Variants in HNF1B observed in about 807,000 individuals in gnomAD.
The protein encoded by HNF1B is HNF1 homeobox B.
Under a neutral mutation model 61.7 loss-of-function variants are expected in HNF1B, and 8 were observed. That is an observed-to-expected ratio of 0.13 (90% CI 0.08 to 0.23). The LOEUF (loss-of-function observed/expected upper bound fraction) is 0.23, where lower values mean the gene tolerates loss of function less well. Among genes scored for constraint, HNF1B ranks in the 10% least tolerant of loss-of-function variants. The probability of loss-of-function intolerance (pLI) is 1.00; values close to 1 mark genes in which losing one functional copy is unlikely to be tolerated. For synonymous variants in HNF1B, 314 were observed against 287.7 expected, an observed-to-expected ratio of 1.09 and a Z score of -0.93; for missense variants, 562 against 714.5, an observed-to-expected ratio of 0.79 and a Z score of 2.43.
At chr17:37,693,386 G>A (rs189806646) in intron 8 of HNF1B, among the ~76,000 whole-genome samples, 2 of 152,202 alleles carry the variant, frequency 1.3e-5, no homozygotes, top group East Asian at 3.9e-4. Flanking sequence ...AAGAAACTGA[G>A]TCTCCCAACA....
intron 4 of HNF1B, among the ~76,000 whole-genome samples, chr17:37,711,518 C>G (rs929709917): frequency 8.5e-5 from 13 of 152,274 alleles, no homozygotes; most frequent in African/African-American, 3.1e-4. Context: ...GGTCTGCTCT[C>G]AGGAAAGAAA....
In HNF1B at chr17:37,687,049, G is replaced by A. The variant is rs1036045826; in HGVS notation, c.*323C>T. 38 of 566,726 alleles carry A rather than the reference G, an allele frequency of 6.7e-5. No individual in the cohort carries two copies. Among genetic ancestry groups the A allele is most frequent in the Admixed American group, 1.8e-4 (6 of 32,900 alleles). The allele number at this position is 566,726 out of a possible 1,614,324, so 35.1% of individuals were successfully genotyped here. ...TTCAAGTTTTCGCATCAGTTTGTTC[G>A]ATGAAGGATCACAACATAGACAGTA... On this transcript the variant is annotated 3_prime_UTR_variant, in exon 9 of 9. Coordinates refer to ENST00000617811, the MANE Select transcript of HNF1B (RefSeq NM_000458.4).
At chr17:37,711,459 T>C (rs149571311) in intron 4 of HNF1B, among the ~76,000 whole-genome samples, 1 of 152,332 alleles carries the variant, frequency 6.6e-6, no homozygotes, top group Non-Finnish European at 1.5e-5. Context: ...CAAACATGTT[T>C]ACAACCTCGC....
intron 4 of HNF1B, among the ~76,000 whole-genome samples, chr17:37,720,064 G>A (rs966175324): frequency 1.3e-5 from 2 of 152,184 alleles, no homozygotes; most frequent in Admixed American, 6.5e-5. Context: ...AACACCAGGT[G>A]TTGGGCACTG....
intron 8 of HNF1B, among the ~76,000 whole-genome samples, chr17:37,691,691 G>A (rs2032210491): frequency 6.6e-6 from 1 of 152,186 alleles, no homozygotes. Flanking sequence ...TGAGCAAACA[G>A]AGGCTCAAAG....
chr17:37,717,247 AC>A (rs1413387512), intron 4 of HNF1B, among the ~76,000 whole-genome samples: 1 of 151,470 alleles, frequency 6.6e-6, no homozygotes, highest in African/African-American at 2.4e-5. Flanking sequence ...TTCAGAGCCA[AC>A]CTCCCATCCC....
chr17:37,717,287 G>A (rs2033155455), intron 4 of HNF1B, among the ~76,000 whole-genome samples: 1 of 152,138 alleles, frequency 6.6e-6, no homozygotes, highest in African/African-American at 2.4e-5. Flanking sequence ...CCTCTGGCTG[G>A]TGGACCTCTG....
At chr17:37,738,361 T>C (rs553052068) in intron 2 of HNF1B, among the ~76,000 whole-genome samples, 5 of 152,114 alleles carry the variant, frequency 3.3e-5, no homozygotes, top group Non-Finnish European at 7.3e-5. Flanking sequence ...CCAGGGACAT[T>C]GAGACAATAA....
intron 8 of HNF1B, among the ~76,000 whole-genome samples, chr17:37,690,315 A>C (rs1021591415): frequency 6.6e-6 from 1 of 152,068 alleles, no homozygotes; most frequent in African/African-American, 2.4e-5. Context: ...GAAGGAGGTG[A>C]GAACGGCGAC....
At chr17:37,693,532 G>A (rs995494610) in intron 8 of HNF1B, among the ~76,000 whole-genome samples, 13 of 152,282 alleles carry the variant, frequency 8.5e-5, no homozygotes, top group African/African-American at 2.6e-4. Flanking sequence ...CTCGAGCAGG[G>A]TGCACGCTAA....
chr17:37,728,393 G>A (rs1189933099), intron 4 of HNF1B, among the ~76,000 whole-genome samples: 6 of 149,398 alleles, frequency 4.0e-5, no homozygotes, highest in African/African-American at 9.9e-5. Context: ...TGCAAGCTCC[G>A]CCTCCTGGGT....
chr17:37,698,291 C>T (rs1179506321), intron 8 of HNF1B, among the ~76,000 whole-genome samples: 1 of 152,084 alleles, frequency 6.6e-6, no homozygotes, highest in East Asian at 1.9e-4. Flanking sequence ...CTGGAATCAT[C>T]ACCTGTGTTC....
intron 1 of HNF1B, among the ~76,000 whole-genome samples, chr17:37,741,214 G>A (rs950561081): frequency 6.6e-6 from 1 of 152,112 alleles, no homozygotes; most frequent in Admixed American, 6.5e-5. Context: ...CTTTAAATAT[G>A]TCAAATAAAA....
chr17:37,742,136 C>T (rs193195187), intron 1 of HNF1B, among the ~76,000 whole-genome samples: 1 of 152,274 alleles, frequency 6.6e-6, no homozygotes, highest in Admixed American at 6.5e-5. Flanking sequence ...GGGTCCGTCC[C>T]GCACGCTCCT....
intron 4 of HNF1B, among the ~76,000 whole-genome samples, chr17:37,714,755 G>A (rs2033048615): frequency 6.6e-6 from 1 of 152,174 alleles, no homozygotes; most frequent in South Asian, 2.1e-4. Flanking sequence ...CAAAGGCATG[G>A]CACAGGTGCA....
chr17:37,702,514 T>G (rs1203311986), intron 6 of HNF1B, among the ~76,000 whole-genome samples: 1 of 152,196 alleles, frequency 6.6e-6, no homozygotes, highest in East Asian at 1.9e-4. Flanking sequence ...CCAGATACCC[T>G]GATGACCGAT....
chr17:37,714,994 TCAC>T (rs1016357205), intron 4 of HNF1B, among the ~76,000 whole-genome samples: 1 of 152,162 alleles, frequency 6.6e-6, no homozygotes, highest in African/African-American at 2.4e-5. Flanking sequence ...GCATTATCTC[TCAC>T]CACAATCTTA....
intron 3 of HNF1B, 145 bp from the exon 4 acceptor site, chr17:37,731,975 A>C: frequency 1.6e-6 from 1 of 628,862 alleles, no homozygotes; most frequent in Non-Finnish European, 2.8e-6. Context: ...GGAGAGGCCT[A>C]TGCAGAGAAA....
chr17:37,719,983 CCAT>C (rs1166773200), intron 4 of HNF1B, among the ~76,000 whole-genome samples: 1 of 152,130 alleles, frequency 6.6e-6, no homozygotes, highest in Non-Finnish European at 1.5e-5. Flanking sequence ...ATCATTATCA[CCAT>C]CATCATCACC....
Sources: allele counts gnomAD v4.1 joint callset (sites outside exome capture counted in the v4.1 genomes callset), GRCh38; gene constraint gnomAD v4.1.1; transcripts MANE v1.5; gene names NCBI Gene and HGNC (gene_info 2026-07-23, HGNC 2026-07-21).